Variants in WLS observed in about 807,000 individuals in gnomAD.
WLS encodes protein wntless homolog.
A neutral mutation model predicts 62.8 loss-of-function variants in WLS; 23 were observed. The observed-to-expected ratio is 0.37, with a 90% CI of 0.26 to 0.52. The LOEUF is 0.52. WLS is among the 20% of genes least tolerant of loss of function. WLS has a pLI of 0.92. For missense variants in WLS, 615 were observed against 697.3 expected (o/e 0.88, Z 1.33); for synonymous variants, 246 against 244.1 (o/e 1.01, Z -0.07).
At chr1:68,217,467 GC>G (rs1419582004) in intron 1 of WLS, among the ~76,000 whole-genome samples, 2 of 152,174 alleles carry the variant, frequency 1.3e-5, no homozygotes, top group Non-Finnish European at 2.9e-5. Flanking sequence ...GACAGAGCAA[GC>G]TTTCACCAGT....
rs373033956 is a variant in WLS at position 68,232,357 on chromosome 1, T to C, written c.-58A>G. On this transcript the variant is annotated 5_prime_UTR_variant, in exon 1 of 12. Transcript: ENST00000262348. ...AATAAATGTTTTAGGGTGAGCTTTTTGCTCCCTCCTCTCACACACTCCCTC... is the reference window on the plus strand; with the variant it reads ...AATAAATGTTTTAGGGTGAGCTTTTCGCTCCCTCCTCTCACACACTCCCTC... The C allele has an allele frequency of 2.6e-5, 41 of 1,580,620 alleles. No homozygotes were observed. In the African/African-American group the frequency reaches 3.8e-4, roughly 15 times the overall value.
intron 2 of WLS, among the ~76,000 whole-genome samples, chr1:68,159,838 G>A (rs963114386): frequency 1.3e-5 from 2 of 152,154 alleles, no homozygotes; most frequent in African/African-American, 2.4e-5. Flanking sequence ...TATTGTGGAT[G>A]AAGTTAATGT....
rs117816515 is a variant in WLS, at chr1:68,176,682, G to A, written c.379+17273C>T. Reference sequence around the variant, plus strand: ...CTACAGCCCAACAAATGGGCTTACCGTCCTTTGCACATATGTTATTTCAGA... The same window carrying A: ...CTACAGCCCAACAAATGGGCTTACCATCCTTTGCACATATGTTATTTCAGA... On this transcript the variant is annotated intron_variant, in intron 2 of 11. Coordinates refer to ENST00000262348, the MANE Select transcript of WLS (RefSeq NM_024911.7). 4.3e-4 allele frequency among the ~76,000 whole-genome samples: 65 copies of A among 152,242 alleles called. 1 individual carries two copies. Among genetic ancestry groups the A allele is most frequent in the East Asian group, 4.2e-3 (22 of 5,184 alleles).
intron 11 of WLS, among the ~76,000 whole-genome samples, chr1:68,127,803 A>G (rs889343904): frequency 3.9e-5 from 6 of 152,214 alleles, no homozygotes; most frequent in Non-Finnish European, 7.3e-5. Flanking sequence ...AGGACTAGTA[A>G]TCTTATCACT....
intron 11 of WLS, chr1:68,098,788 A>G: frequency 6.3e-7 from 1 of 1,598,674 alleles, no homozygotes; most frequent in Non-Finnish European, 8.5e-7. Flanking sequence ...ACCATGCAAA[A>G]TATCCTTTTA....
Position 68,162,064 on chromosome 1 carries a change from C to T in WLS, c.380-2817G>A, listed in dbSNP as rs796896697. On this transcript the variant is annotated intron_variant, in intron 2 of 11. Coordinates refer to ENST00000262348, the MANE Select transcript of WLS (RefSeq NM_024911.7). Reference sequence around the variant, plus strand: ...TTCTGGGATGTGACCTGTGATGGCTCGGCGGATCTCAGTGGCAGCTGCCTC... The same window carrying T: ...TTCTGGGATGTGACCTGTGATGGCTTGGCGGATCTCAGTGGCAGCTGCCTC... The T allele has an allele frequency of 6.6e-5, 104 of 1,585,632 alleles. 1 individual carries two copies. Among genetic ancestry groups the T allele is most frequent in the South Asian group, 4.0e-4 (36 of 89,188 alleles).
chr1:68,179,915 A>G (rs983159726), intron 2 of WLS, among the ~76,000 whole-genome samples: 1 of 152,068 alleles, frequency 6.6e-6, no homozygotes, highest in African/African-American at 2.4e-5. Flanking sequence ...AGAGAATTTG[A>G]TTGCTTCCCC....
chr1:68,187,795 A>G (rs1312566688), intron 2 of WLS, among the ~76,000 whole-genome samples: 2 of 152,204 alleles, frequency 1.3e-5, no homozygotes. Context: ...AAAAAAAAGT[A>G]GCTAAAAGTA....
chr1:68,205,244 C>T (rs182910617), intron 1 of WLS, among the ~76,000 whole-genome samples: 55 of 152,274 alleles, frequency 3.6e-4, no homozygotes, highest in African/African-American at 1.3e-3. Flanking sequence ...ATACTTATGA[C>T]GGTTCTTCCA....
chr1:68,220,215 A>G (rs1649888052), intron 1 of WLS, among the ~76,000 whole-genome samples: 1 of 152,244 alleles, frequency 6.6e-6, no homozygotes, highest in South Asian at 2.1e-4. Flanking sequence ...TAGGAAGGCT[A>G]TCAAGCAGGG....
At chr1:68,111,744 G>C (rs1646231468) in intron 11 of WLS, among the ~76,000 whole-genome samples, 1 of 152,222 alleles carries the variant, frequency 6.6e-6, no homozygotes, top group South Asian at 2.1e-4. Context: ...CAAACCCACA[G>C]GTCAGATGGC....
downstream of WLS, among the ~76,000 whole-genome samples, chr1:68,120,966 T>C (rs573486220): frequency 1.3e-5 from 2 of 152,350 alleles, no homozygotes; most frequent in Non-Finnish European, 2.9e-5. Flanking sequence ...ATAACAGGGA[T>C]ATATGTAAAG....
At chr1:68,187,454 A>G (rs17130554) in intron 2 of WLS, among the ~76,000 whole-genome samples, 26,202 of 151,968 alleles carry the variant, frequency 0.17, 2,514 homozygotes, top group East Asian at 0.34. Context: ...AAATATTTTA[A>G]AGCATGAAGA....
rs1646807604 is a variant in WLS at position 68,150,192 on chromosome 1, A to T, written c.968T>A (p.Met323Lys). ...SFWIIFCGEHMMDQHERNHIA... is the reference protein window; with the variant it reads ...SFWIIFCGEHKMDQHERNHIA... The stretch of plus-strand genomic sequence containing the variant: ...GTCCCTCCCGGCGGCTCTTACCATC[A>T]TGTGCTCGCCACAGAAGATGATCCA... Residue 323 changes from methionine to lysine, a missense_variant, in exon 6 of 12, where the codon ATG (methionine) becomes AAG (lysine). Physicochemically the swap from Met to Lys is moderately conservative, Grantham distance 95. Transcript: ENST00000262348. The T allele has an allele frequency of 6.2e-7, 1 of 1,613,968 alleles. No individual in the cohort carries two copies. The highest frequency in any genetic ancestry group is 2.2e-5 in the East Asian group (1 of 44,890).
chr1:68,183,414 G>C (rs887396270), intron 2 of WLS: 1 of 311,562 alleles, frequency 3.2e-6, no homozygotes, highest in Non-Finnish European at 6.9e-6. Flanking sequence ...CCAATGGCCT[G>C]TTCCATCATA....
At chr1:68,165,603 C>A (rs1647049132) in intron 2 of WLS, among the ~76,000 whole-genome samples, 1 of 152,152 alleles carries the variant, frequency 6.6e-6, no homozygotes, top group Non-Finnish European at 1.5e-5. Flanking sequence ...AAGATATGAA[C>A]AGAGCTTGAG....
chr1:68,126,983 G>A lies in WLS; in HGVS notation c.1517-648C>T, dbSNP rs181643572. ...GGGTAGGAGGACTGCTTGTGGCCAG[G>A]AGTTTAAGATCAGCCTTGGCAACAG... is the stretch of plus-strand genomic sequence containing the variant. On this transcript the variant is annotated intron_variant, in intron 11 of 11. Transcript: ENST00000262348. 76 of 267,874 alleles carry A rather than the reference G, an allele frequency of 2.8e-4. No individual in the cohort carries two copies. In the East Asian group the frequency reaches 8.5e-3, roughly 30 times the overall value. 16.6% of individuals were successfully genotyped at this position (267,874 alleles called of 1,614,324 possible).
At chr1:68,099,341 C>T (rs1646048403) in intron 11 of WLS, among the ~76,000 whole-genome samples, 1 of 152,134 alleles carries the variant, frequency 6.6e-6, no homozygotes, top group Non-Finnish European at 1.5e-5. Flanking sequence ...AAGCTGAAAG[C>T]TGAGCCTAGT....
chr1:68,105,434 T>C (rs1646130256), intron 11 of WLS, among the ~76,000 whole-genome samples: 1 of 148,610 alleles, frequency 6.7e-6, no homozygotes, highest in Non-Finnish European at 1.5e-5. Context: ...AGTCTAGTTT[T>C]ATATGCCACA....
Sources: gnomAD v4.1 joint callset for allele counts (sites outside exome capture counted in the v4.1 genomes callset) on GRCh38, gnomAD v4.1.1 for gene constraint, MANE v1.5 for transcripts, NCBI Gene and HGNC (gene_info 2026-07-23, HGNC 2026-07-21) for gene names.